Variants in ZCCHC2 observed in about 807,000 individuals in gnomAD.
ZCCHC2 encodes the protein zinc finger CCHC-type containing 2, also known as zinc finger CCHC domain-containing protein 2.
ZCCHC2 carries 39 observed loss-of-function variants against 103.6 expected under a neutral mutation model. That is an observed-to-expected ratio of 0.38 (90% confidence interval 0.29 to 0.49). The LOEUF (loss-of-function observed/expected upper bound fraction) is 0.49, where lower values mean the gene tolerates loss of function less well. Among genes scored for constraint, ZCCHC2 ranks in the 20% least tolerant of loss-of-function variants. The pLI, the probability that ZCCHC2 is intolerant of heterozygous loss-of-function variation, is 0.96. For synonymous variants in ZCCHC2, 687 were observed against 608.9 expected, an observed-to-expected ratio of 1.13 and a Z score of -1.89; for missense variants, 1,483 against 1,491.0, an observed-to-expected ratio of 0.99 and a Z score of 0.09.
chr18:62,547,315 A>G (rs1188617984), intron 4 of ZCCHC2, among the ~76,000 whole-genome samples: 1 of 137,844 alleles, frequency 7.3e-6, no homozygotes, highest in East Asian at 2.0e-4. Flanking sequence ...ACAAGAGCAA[A>G]ACTCCATCTT....
chr18:62,539,142 C>G (rs895729634), intron 1 of ZCCHC2, among the ~76,000 whole-genome samples: 21 of 152,182 alleles, frequency 1.4e-4, no homozygotes, highest in African/African-American at 5.1e-4. Flanking sequence ...GCTGAGCAAA[C>G]TCAGTTAGGT....
rs780325280 is a variant in ZCCHC2 at position 62,539,764 on chromosome 18, C to T, written c.1023C>T (p.Thr341=). ...CTCCAATACCTCAGGACGGACTTAC[C>T]GTGGCACCTCACAGAGCTCAGCGAG... ...EQAPIPQDGL[T]VAPHRAQREA... The change falls in exon 2 of 14, where the codon ACC becomes ACT. Residue 341 remains threonine, a synonymous_variant. Transcript: ENST00000269499. The T allele has an allele frequency of 1.6e-5, 25 of 1,608,112 alleles. No homozygotes were observed. Among genetic ancestry groups the T allele is most frequent in the South Asian group, 7.8e-5 (7 of 89,518 alleles).
At chr18:62,528,119 C>T (rs901161204) in intron 1 of ZCCHC2, among the ~76,000 whole-genome samples, 1 of 152,184 alleles carries the variant, frequency 6.6e-6, no homozygotes, top group Non-Finnish European at 1.5e-5. Context: ...AGCTTAATTG[C>T]TTGACTAACA....
At position 62,575,151 on chromosome 18, in the gene ZCCHC2, A is replaced by G. The variant is rs1916779713; in HGVS notation, c.3070A>G (p.Asn1024Asp). 6.2e-7 allele frequency: 1 copy of G among 1,614,012 alleles called. No individual in the cohort carries two copies. Among genetic ancestry groups the G allele is most frequent in the Non-Finnish European group, 8.5e-7 (1 of 1,179,888 alleles). Residue 1024 changes from asparagine (N) to aspartate (D), a missense_variant, in exon 13 of 14, where the codon AAT (asparagine) becomes GAT (aspartate). By Grantham distance (23) the Asn-to-Asp change is conservative. Coordinates refer to ENST00000269499, the MANE Select transcript of ZCCHC2 (RefSeq NM_017742.6). ...TGGGCGAAGGTGCAGCTGTGGGACCAATGGAAACCTTCAGCTAAATAGTTA... is the reference window on the plus strand; with the variant it reads ...TGGGCGAAGGTGCAGCTGTGGGACCGATGGAAACCTTCAGCTAAATAGTTA... ...SCGRRCSCGT[N>D]GNLQLNSYYY... is the part of the protein sequence containing the mutation.
In ZCCHC2 at chr18:62,523,333, C is replaced by T. The variant is rs1046633164; in HGVS notation, c.-92C>T. ...CCCGGCGGCATGGAGGGGCCCCGCT[C>T]CTGACGGCCGCGCCGCCGCCTCGGC... On this transcript the variant is annotated 5_prime_UTR_variant, in exon 1 of 14. Coordinates refer to ENST00000269499, the MANE Select transcript of ZCCHC2 (RefSeq NM_017742.6). The T allele has an allele frequency of 4.1e-6, 4 of 986,436 alleles. No individual in the cohort carries two copies. The highest frequency in any genetic ancestry group is 1.1e-4 in the East Asian group (1 of 8,900). The allele number at this position is 986,436 out of a possible 1,614,324, so 61.1% of individuals were successfully genotyped here.
intron 7 of ZCCHC2, chr18:62,560,381 G>A (rs1288248529): frequency 2.4e-6 from 1 of 411,318 alleles, no homozygotes; most frequent in Non-Finnish European, 4.3e-6. Context: ...CTGTTAGGTG[G>A]AAGACATTTG....
intron 12 of ZCCHC2, among the ~76,000 whole-genome samples, chr18:62,571,191 G>C (rs1223934808): frequency 6.9e-6 from 1 of 145,082 alleles, no homozygotes; most frequent in Non-Finnish European, 1.5e-5. Context: ...CTGTAACACA[G>C]AGTGAGTGCT....
At chr18:62,525,829 CTCT>C (rs1451789853) in intron 1 of ZCCHC2, 1 of 152,144 alleles carries the variant, frequency 6.6e-6, no homozygotes, top group Non-Finnish European at 1.5e-5. Context: ...GCCTCCTCCA[CTCT>C]TCAGCCTACT....
chr18:62,568,206 A>AT lies in ZCCHC2; in HGVS notation c.1847-1892dup, dbSNP rs199964197. ...TTGTTTATAATTACCAATTTCCAGT[A>AT]TTTTTAGTGTTAGAATAGTGGTTTA... On this transcript the variant is annotated intron_variant, in intron 11 of 13. Transcript: ENST00000269499. Among the ~76,000 whole-genome samples the AT allele has an allele frequency of 4.7e-3, 722 of 152,234 alleles. 19 individuals are homozygous for AT. The highest frequency in any genetic ancestry group is 0.044 in the Admixed American group (672 of 15,294).
At chr18:62,564,049 C>T (rs983767964) in intron 9 of ZCCHC2, among the ~76,000 whole-genome samples, 4 of 152,136 alleles carry the variant, frequency 2.6e-5, no homozygotes, top group South Asian at 2.1e-4. Flanking sequence ...CCCTGGCCAA[C>T]GCTCAGATCC....
intron 4 of ZCCHC2, among the ~76,000 whole-genome samples, chr18:62,545,219 CTA>C (rs1157823793): frequency 2.6e-5 from 4 of 151,398 alleles, no homozygotes; most frequent in African/African-American, 9.7e-5. Context: ...GAACCTATCT[CTA>C]TTTGAAAAAA....
intron 1 of ZCCHC2, among the ~76,000 whole-genome samples, chr18:62,539,237 A>G (rs544661857): frequency 7.4e-4 from 113 of 152,340 alleles, no homozygotes; most frequent in African/African-American, 2.6e-3. Flanking sequence ...AATCCTTGGC[A>G]TGTATTGATG....
intron 5 of ZCCHC2, chr18:62,551,093 C>T (rs1243793632): frequency 6.6e-6 from 1 of 152,192 alleles, no homozygotes; most frequent in Non-Finnish European, 1.5e-5. Context: ...GGGAAATGTA[C>T]TTGTTTCGTG....
chr18:62,570,778 T>G (rs941069910), intron 12 of ZCCHC2, among the ~76,000 whole-genome samples: 3 of 152,202 alleles, frequency 2.0e-5, no homozygotes, highest in Non-Finnish European at 4.4e-5. Context: ...TAGATTATGG[T>G]TTTTTATTCA....
At chr18:62,544,722 T>C (rs1915339846) in intron 3 of ZCCHC2, 80 bp from the exon 4 acceptor site, 1 of 1,198,342 alleles carries the variant, frequency 8.3e-7, no homozygotes, top group African/African-American at 1.6e-5. Context: ...GTAAGGCCCT[T>C]TGTTTTTGCA....
At chr18:62,564,330 T>C (rs1323754894) in intron 9 of ZCCHC2, among the ~76,000 whole-genome samples, 1 of 152,164 alleles carries the variant, frequency 6.6e-6, no homozygotes, top group African/African-American at 2.4e-5. Flanking sequence ...GAAAAAAGAA[T>C]GTAGGTCCAT....
intron 10 of ZCCHC2, 116 bp from the exon 11 acceptor site, chr18:62,564,886 A>G: frequency 1.3e-6 from 1 of 786,016 alleles, no homozygotes; most frequent in Non-Finnish European, 2.0e-6. Context: ...TTGTATTTAG[A>G]TTATTCCTTA....
chr18:62,548,944 G>A (rs887236169), intron 4 of ZCCHC2, among the ~76,000 whole-genome samples: 1 of 151,976 alleles, frequency 6.6e-6, no homozygotes, highest in African/African-American at 2.4e-5. Flanking sequence ...GGTAGGCCAG[G>A]CGTGGTGGCT....
intron 1 of ZCCHC2, among the ~76,000 whole-genome samples, chr18:62,534,631 T>G (rs9965948): frequency 0.42 from 64,075 of 152,066 alleles, 13,940 homozygotes; most frequent in East Asian, 0.71. Context: ...TTTATGTTTC[T>G]TGTTAGAAAT....
Sources: allele counts gnomAD v4.1 joint callset (sites outside exome capture counted in the v4.1 genomes callset), GRCh38; gene constraint gnomAD v4.1.1; transcripts MANE v1.5; gene names NCBI Gene and HGNC (gene_info 2026-07-23, HGNC 2026-07-21).